Variants in LPGAT1 observed in about 807,000 individuals in gnomAD.
The protein encoded by LPGAT1 is acyl-CoA:lysophosphatidylglycerol acyltransferase 1.
LPGAT1 carries 11 observed loss-of-function variants against 47.5 expected under a neutral mutation model. The observed-to-expected ratio is 0.23, with a 90% confidence interval of 0.15 to 0.38. The LOEUF is 0.38. Ranked by LOEUF, LPGAT1 falls within the 10% of genes least tolerant of loss-of-function variation. LPGAT1 has a pLI of 1.00. For synonymous variants in LPGAT1, 138 were observed against 144.2 expected (o/e 0.96, Z 0.31); for missense variants, 293 against 439.0 (o/e 0.67, Z 2.97).
Position 211,774,962 on chromosome 1 carries a change from A to AT in LPGAT1, c.854+3955dup, listed in dbSNP as rs200948881. 2.8e-4 allele frequency among the ~76,000 whole-genome samples: 42 copies of AT among 152,090 alleles called. 1 individual carries two copies. The highest frequency in any genetic ancestry group is 1.2e-3 in the South Asian group (6 of 4,816). On this transcript the variant is annotated intron_variant, in intron 6 of 7. Coordinates refer to ENST00000366997, the MANE Select transcript of LPGAT1 (RefSeq NM_014873.3). ...TAGATATTCTTTTTCTACTTAAATAATTTTTTTTTAAAAAAAAGAACTTAT... is the reference window on the plus strand; with the variant it reads ...TAGATATTCTTTTTCTACTTAAATAATTTTTTTTTTAAAAAAAAGAACTTAT...
rs151188283 is a variant in LPGAT1 at position 211,768,757 on chromosome 1, C to T, written c.854+10161G>A. 3.7e-4 allele frequency among the ~76,000 whole-genome samples: 56 copies of T among 152,236 alleles called. 3 individuals are homozygous for T. The East Asian group carries it at 0.011, about 29-fold the overall frequency. On this transcript the variant is annotated intron_variant, in intron 6 of 7. Coordinates refer to ENST00000366997, the MANE Select transcript of LPGAT1 (RefSeq NM_014873.3). ...ACAAGAAATATCATTAGAAAATCAT[C>T]CCAAATCCTCTTAAGCATATTAGAC...
Position 211,769,811 on chromosome 1 carries a change from C to T in LPGAT1, c.854+9107G>A, listed in dbSNP as rs371260089. On this transcript the variant is annotated intron_variant, in intron 6 of 7. Transcript: ENST00000366997. ...CTTGATTTTGGTGGGTTTTAGCCAG[C>T]TTCTTTACTGCAGCCTGTTTTATCA... 5.3e-4 allele frequency among the ~76,000 whole-genome samples: 81 copies of T among 152,238 alleles called. 1 individual carries two copies. The East Asian group carries it at 0.014, about 26-fold the overall frequency.
chr1:211,778,273 C>T (rs1271288563), intron 6 of LPGAT1, among the ~76,000 whole-genome samples: 4 of 146,132 alleles, frequency 2.7e-5, no homozygotes, highest in Admixed American at 2.1e-4. Context: ...AGCCGGGAGG[C>T]GGAGCTTGCA....
chr1:211,793,739 A>G (rs1424954342), intron 2 of LPGAT1, among the ~76,000 whole-genome samples: 1 of 152,152 alleles, frequency 6.6e-6, no homozygotes, highest in African/African-American at 2.4e-5. Flanking sequence ...AGCTATGGTC[A>G]TACCTTTGAT....
At chr1:211,820,432 G>A (rs548424460) in intron 2 of LPGAT1, among the ~76,000 whole-genome samples, 5 of 152,034 alleles carry the variant, frequency 3.3e-5, no homozygotes, top group Admixed American at 6.5e-5. Flanking sequence ...AAGAAAATCA[G>A]TGAAGCCATC....
intron 2 of LPGAT1, among the ~76,000 whole-genome samples, chr1:211,815,924 G>C (rs906737073): frequency 6.6e-6 from 1 of 151,608 alleles, no homozygotes; most frequent in Non-Finnish European, 1.5e-5. Flanking sequence ...GACTACAGGC[G>C]CCCGCCACCA....
intron 6 of LPGAT1, among the ~76,000 whole-genome samples, chr1:211,755,183 A>G (rs1329508681): frequency 1.3e-5 from 2 of 151,996 alleles, no homozygotes; most frequent in East Asian, 3.9e-4. Context: ...TAAAAATACA[A>G]AAAAATTAGC....
In LPGAT1 at chr1:211,745,704, C is replaced by T. The variant is rs17018000; in HGVS notation, c.*4195G>A. 3,623 of 152,626 alleles carry T rather than the reference C, an allele frequency of 0.024. 65 individuals carry two copies. The highest frequency in any genetic ancestry group is 0.03 in the Non-Finnish European group (2,014 of 68,018). 9.5% of individuals were successfully genotyped at this position (152,626 alleles called of 1,614,324 possible). On this transcript the variant is annotated 3_prime_UTR_variant, in exon 8 of 8. Coordinates refer to ENST00000366997, the MANE Select transcript of LPGAT1 (RefSeq NM_014873.3). The stretch of plus-strand genomic sequence containing the variant: ...CCAGTTCCTAATTGTTGGGGATTGG[C>T]GCAAAATGATTACAATAAAGCACCA...
intron 2 of LPGAT1, among the ~76,000 whole-genome samples, chr1:211,803,961 G>A (rs1453856911): frequency 2.0e-5 from 3 of 152,128 alleles, no homozygotes; most frequent in African/African-American, 7.2e-5. Context: ...GTTTTGCCAT[G>A]TTGGCCATGT....
At chr1:211,827,754 A>T (rs762548592) in intron 2 of LPGAT1, among the ~76,000 whole-genome samples, 52 of 152,292 alleles carry the variant, frequency 3.4e-4, no homozygotes, top group Non-Finnish European at 5.9e-4. Context: ...CCAAGTCCTA[A>T]AAAAGGGCTA....
At chr1:211,788,890 C>T (rs1440407387) in intron 3 of LPGAT1, among the ~76,000 whole-genome samples, 6 of 151,982 alleles carry the variant, frequency 3.9e-5, no homozygotes, top group African/African-American at 1.5e-4. Flanking sequence ...CTGATGTGAA[C>T]CTACACATAT....
intron 6 of LPGAT1, among the ~76,000 whole-genome samples, chr1:211,772,532 T>C (rs944831130): frequency 3.3e-5 from 5 of 152,236 alleles, no homozygotes; most frequent in Admixed American, 6.5e-5. Context: ...CTTTATAATA[T>C]TGAGTCTTCC....
At chr1:211,817,400 C>T (rs372143893) in intron 2 of LPGAT1, among the ~76,000 whole-genome samples, 113 of 152,166 alleles carry the variant, frequency 7.4e-4, no homozygotes, top group Middle Eastern at 3.4e-3. Context: ...GGCAAAACCT[C>T]GTCTCTACTG....
At chr1:211,766,912 A>C (rs888025572) in intron 6 of LPGAT1, among the ~76,000 whole-genome samples, 1 of 152,254 alleles carries the variant, frequency 6.6e-6, no homozygotes, top group African/African-American at 2.4e-5. Flanking sequence ...ACCCTGACTT[A>C]TTATGGTAAC....
Position 211,783,522 on chromosome 1 carries a change from G to A in LPGAT1, c.454-20C>T, listed in dbSNP as rs759467867. ...TCTTCCCTAGAAGGTACACACACAC[G>A]TAATAAGTACAGGTATATCCAAAAT... is the stretch of plus-strand genomic sequence containing the variant. On this transcript the variant is annotated intron_variant, in intron 4 of 7. Coordinates refer to ENST00000366997, the MANE Select transcript of LPGAT1 (RefSeq NM_014873.3). 24 of 1,602,272 alleles carry A rather than the reference G, an allele frequency of 1.5e-5. No homozygotes were observed. In the South Asian group the frequency reaches 1.9e-4, roughly 13 times the overall value.
Position 211,764,291 on chromosome 1 carries a change from C to T in LPGAT1, c.855-13224G>A, listed in dbSNP as rs541607876. Among the ~76,000 whole-genome samples the T allele has an allele frequency of 5.3e-5, 8 of 152,222 alleles. No homozygotes were observed. The East Asian group carries it at 7.7e-4, about 15-fold the overall frequency. On this transcript the variant is annotated intron_variant, in intron 6 of 7. Coordinates refer to ENST00000366997, the MANE Select transcript of LPGAT1 (RefSeq NM_014873.3). ...TGTGCCTGTTTTGTCTAACAGACTGCGCTATTCTCAGCTTTGCACCCAGTG... is the reference window on the plus strand; with the variant it reads ...TGTGCCTGTTTTGTCTAACAGACTGTGCTATTCTCAGCTTTGCACCCAGTG...
intron 4 of LPGAT1, among the ~76,000 whole-genome samples, chr1:211,784,704 G>A (rs186938554): frequency 6.6e-6 from 1 of 151,540 alleles, no homozygotes; most frequent in Non-Finnish European, 1.5e-5. Context: ...AGTTGAGAGG[G>A]AAAGAGAGAA....
chr1:211,793,708 C>G (rs1659234622), intron 2 of LPGAT1, among the ~76,000 whole-genome samples: 1 of 152,172 alleles, frequency 6.6e-6, no homozygotes, highest in Admixed American at 6.5e-5. Context: ...GCTGAGATTA[C>G]AGGCGTGAGC....
chr1:211,771,657 C>A (rs1383762403), intron 6 of LPGAT1, among the ~76,000 whole-genome samples: 1 of 152,010 alleles, frequency 6.6e-6, no homozygotes, highest in Non-Finnish European at 1.5e-5. Context: ...GCGCTCACCA[C>A]CATACCAGCT....
Sources: allele counts gnomAD v4.1 joint callset (sites outside exome capture counted in the v4.1 genomes callset), GRCh38; gene constraint gnomAD v4.1.1; transcripts MANE v1.5; gene names NCBI Gene and HGNC (gene_info 2026-07-23, HGNC 2026-07-21).